TNPO2: variants seen among roughly 807,000 people sequenced by gnomAD.
TNPO2 encodes transportin 2.
In TNPO2, 16 loss-of-function variants were observed where a neutral mutation model predicts 111.1. That is an observed-to-expected ratio of 0.14 (90% CI 0.10 to 0.22). TNPO2 has a LOEUF of 0.22. TNPO2 is among the 10% of genes least tolerant of loss of function. The pLI is 1.00. For synonymous variants in TNPO2, 481 were observed against 475.8 expected (o/e 1.01, Z -0.14); for missense variants, 530 against 1,173.7 (o/e 0.45, Z 8.01).
Position 12,701,554 on chromosome 19 carries a change from C to A in TNPO2, c.2586+44G>T, listed in dbSNP as rs754479975. 27 of 1,610,500 alleles carry A rather than the reference C, an allele frequency of 1.7e-5. No homozygotes were observed. The South Asian group carries it at 3.0e-4, about 18-fold the overall frequency. On this transcript the variant is annotated intron_variant, in intron 24 of 25. Coordinates refer to ENST00000425528, the MANE Select transcript of TNPO2 (RefSeq NM_001382241.1). The surrounding 1 kb of genome is among the most constrained non-coding windows in gnomAD (Gnocchi z 5.0). Reference sequence around the variant, plus strand: ...CCATTGTTACCAGATGGTCTCACCCCTGCCTGCTCCCGGAACTAGATCAGG... The same window carrying A: ...CCATTGTTACCAGATGGTCTCACCCATGCCTGCTCCCGGAACTAGATCAGG...
At position 12,706,782 on chromosome 19, in the gene TNPO2, G is replaced by A. The variant is rs747015494; in HGVS notation, c.1284C>T (p.Gly428=). 4.5e-5 allele frequency: 72 copies of A among 1,608,016 alleles called. 1 individual carries two copies. The highest frequency in any genetic ancestry group is 4.1e-5 in the Non-Finnish European group (48 of 1,177,328). ...LGAIAEGCMQ[G]MVPYLPELIP... The stretch of plus-strand genomic sequence containing the variant: ...TCAGCTCAGGCAGGTAGGGCACCAT[G>A]CCCTGCATGCAGCCTACAAGGAAAG... Residue 428 remains glycine, a synonymous_variant, in exon 14 of 26, where the codon GGC becomes GGT. Transcript: ENST00000425528. The surrounding 1 kb of genome is among the most constrained non-coding windows in gnomAD (Gnocchi z 7.0).
chr19:12,703,348 G>A (rs2025440017), intron 20 of TNPO2, 80 bp downstream of exon 20: 1 of 1,324,548 alleles, frequency 7.5e-7, no homozygotes, highest in African/African-American at 1.5e-5. Context: ...GAAGGAAGCT[G>A]TCAGTCAGAG....
Position 12,719,799 on chromosome 19 carries a change from G to GAA in TNPO2, c.100-465_100-464dup, listed in dbSNP as rs568805777. Among the ~76,000 whole-genome samples, 528 of 141,626 alleles carry GAA rather than the reference G, an allele frequency of 3.7e-3. 6 individuals carry two copies. Among genetic ancestry groups the GAA allele is most frequent in the African/African-American group, 0.013 (498 of 38,798 alleles). The allele number at this position is 141,626 out of a possible 152,430, so 92.9% of individuals were successfully genotyped here. A position where few individuals can be genotyped will look rare whatever the true frequency, so the allele number is the denominator to read the frequency against. On this transcript the variant is annotated intron_variant, in intron 3 of 25. Coordinates refer to ENST00000425528, the MANE Select transcript of TNPO2 (RefSeq NM_001382241.1). The surrounding 1 kb of genome is among the most constrained non-coding windows in gnomAD (Gnocchi z 5.0). Reference sequence around the variant, plus strand: ...GGGCGACAGAGCAAGACTCCATCTTGAAAAAAAAAAAAATCATACAAGGAG... The same window carrying GAA: ...GGGCGACAGAGCAAGACTCCATCTTGAAAAAAAAAAAAAAATCATACAAGGAG...
At chr19:12,714,658 TCTTCAAA>T (rs1182863789) in intron 10 of TNPO2, among the ~76,000 whole-genome samples, 156 bp downstream of exon 10, 1 of 152,130 alleles carries the variant, frequency 6.6e-6, no homozygotes. Flanking sequence ...AATTTTGAAG[TCTTCAAA>T]AAGTGGCATT....
Position 12,720,767 on chromosome 19 carries a change from A to G in TNPO2, c.99+112T>C. 3.7e-6 allele frequency: 5 copies of G among 1,361,528 alleles called. No homozygotes were observed. In the South Asian group the frequency reaches 5.8e-5, roughly 16 times the overall value. The allele number at this position is 1,361,528 out of a possible 1,614,324, so 84.3% of individuals were successfully genotyped here. ...TCTGTCCAGGGCAGATCCTCCGCACAGCAGAAAAAATCTGGGGACTAGGGG... is the reference window on the plus strand; with the variant it reads ...TCTGTCCAGGGCAGATCCTCCGCACGGCAGAAAAAATCTGGGGACTAGGGG... On this transcript the variant is annotated intron_variant, in intron 3 of 25. Transcript: ENST00000425528.
At position 12,702,962 on chromosome 19, in the gene TNPO2, C is replaced by G; in HGVS notation, c.2210-44G>C. 1 of 1,583,348 alleles carries G rather than the reference C, an allele frequency of 6.3e-7. No homozygotes were observed. Among genetic ancestry groups the G allele is most frequent in the Non-Finnish European group, 8.7e-7 (1 of 1,154,054 alleles). Reference sequence around the variant, plus strand: ...AGAGCCCTGCACAGCCCCCGCCACCCACAGGGGCCAGGGGGCCGCCCCACC... The same window carrying G: ...AGAGCCCTGCACAGCCCCCGCCACCGACAGGGGCCAGGGGGCCGCCCCACC... On this transcript the variant is annotated intron_variant, in intron 20 of 25. Coordinates refer to ENST00000425528, the MANE Select transcript of TNPO2 (RefSeq NM_001382241.1). This position sits in a 1 kb window ranked among gnomAD's most constrained non-coding sequence, Gnocchi z 5.5.
intron 5 of TNPO2, among the ~76,000 whole-genome samples, chr19:12,718,323 G>A (rs770309870): frequency 2.6e-5 from 4 of 152,072 alleles, no homozygotes; most frequent in East Asian, 3.9e-4. Flanking sequence ...GTGCCACCAC[G>A]CCCAGCTAAT....
At position 12,703,683 on chromosome 19, in the gene TNPO2, T is replaced by A. The variant is rs1172992399; in HGVS notation, c.2110+31A>T. ...CCATCACTTGAGGCCGGGGCTGGGG[T>A]CATGGGTTAGGGACAAGGCGAGTGT... On this transcript the variant is annotated intron_variant, in intron 19 of 25. Transcript: ENST00000425528. 5 of 1,602,822 alleles carry A rather than the reference T, an allele frequency of 3.1e-6. No homozygotes were observed. In the Admixed American group the frequency reaches 6.9e-5, roughly 22 times the overall value.
At position 12,719,778 on chromosome 19, in the gene TNPO2, G is replaced by A. The variant is rs978936396; in HGVS notation, c.100-442C>T. Among the ~76,000 whole-genome samples the A allele has an allele frequency of 9.3e-5, 14 of 150,120 alleles. No homozygotes were observed. Among genetic ancestry groups the A allele is most frequent in the Non-Finnish European group, 1.2e-4 (8 of 67,876 alleles). On this transcript the variant is annotated intron_variant, in intron 3 of 25. Transcript: ENST00000425528. The surrounding 1 kb of genome is among the most constrained non-coding windows in gnomAD (Gnocchi z 5.0). ...TGCGCCTCTGCATTCCAGTCTGGGCGACAGAGCAAGACTCCATCTTGAAAA... is the reference window on the plus strand; with the variant it reads ...TGCGCCTCTGCATTCCAGTCTGGGCAACAGAGCAAGACTCCATCTTGAAAA...
Position 12,720,996 on chromosome 19 carries a change from G to A in TNPO2, c.-13-6C>T, listed in dbSNP as rs1159964721. ...AGTCCATGGCGCAAGGCAAGCTGCG[G>A]AGGTAGGGGCCGGGGTCAGCGCTGG... On this transcript the variant is annotated splice_region_variant and splice_polypyrimidine_tract_variant and intron_variant, in intron 2 of 25. Coordinates refer to ENST00000425528, the MANE Select transcript of TNPO2 (RefSeq NM_001382241.1). 16 of 1,561,736 alleles carry A rather than the reference G, an allele frequency of 1.0e-5. No individual in the cohort carries two copies. Among genetic ancestry groups the A allele is most frequent in the Non-Finnish European group, 1.4e-5 (16 of 1,157,952 alleles).
rs1408636107 is a variant in TNPO2 at position 12,703,509 on chromosome 19, G to A, written c.2128C>T (p.Leu710=). 3 of 1,613,934 alleles carry A rather than the reference G, an allele frequency of 1.9e-6. No homozygotes were observed. Among genetic ancestry groups the A allele is most frequent in the Non-Finnish European group, 1.7e-6 (2 of 1,179,900 alleles). The change falls in exon 20 of 26, where the codon CTG becomes TTG. Residue 710 remains leucine, a synonymous_variant. Transcript: ENST00000425528. ...AACTCTGGGTTCAGGTTGGTGCCCA[G>A]AATGGGCATGAACTCGGCTGGTGGG... ...KPCIAEFMPI[L]GTNLNPEFIS... is the part of the protein sequence containing the mutation.
At chr19:12,710,801 T>C in intron 12 of TNPO2, 28 bp from the exon 13 acceptor site, 1 of 1,587,932 alleles carries the variant, frequency 6.3e-7, no homozygotes, top group Non-Finnish European at 8.6e-7. Flanking sequence ...ATGGGGAGGC[T>C]CAGGGCGGCC....
At position 12,701,457 on chromosome 19, in the gene TNPO2, TGGG is replaced by T; in HGVS notation, c.2587-7_2587-5del. 6.2e-7 allele frequency: 1 copy of T among 1,613,338 alleles called. No individual in the cohort carries two copies. Among genetic ancestry groups the T allele is most frequent in the Non-Finnish European group, 8.5e-7 (1 of 1,179,484 alleles). On this transcript the variant is annotated splice_region_variant and splice_polypyrimidine_tract_variant and intron_variant, in intron 24 of 25. Transcript: ENST00000425528. This position sits in a 1 kb window ranked among gnomAD's most constrained non-coding sequence, Gnocchi z 5.0. ...GGTCTTTGAAGCCGTGGAGAATCTG[TGGG>T]GAGGGTGGTGGTGAGGGGTAGGCAG...
At chr19:12,711,201 G>C (rs1034660606) in intron 12 of TNPO2, 95 bp downstream of exon 12, 2 of 1,514,430 alleles carry the variant, frequency 1.3e-6, no homozygotes, top group Admixed American at 3.8e-5. Context: ...GCCACGATCA[G>C]CTTCTAATCA....
chr19:12,701,246 G>A lies in TNPO2; in HGVS notation c.*21-3C>T, dbSNP rs1226141909. 4.3e-6 allele frequency: 4 copies of A among 930,400 alleles called. No homozygotes were observed. The highest frequency in any genetic ancestry group is 3.4e-5 in the African/African-American group (2 of 59,590). 57.6% of individuals were successfully genotyped at this position (930,400 alleles called of 1,614,324 possible). On this transcript the variant is annotated splice_polypyrimidine_tract_variant and splice_region_variant and intron_variant, in intron 25 of 25. Coordinates refer to ENST00000425528, the MANE Select transcript of TNPO2 (RefSeq NM_001382241.1). This position sits in a 1 kb window ranked among gnomAD's most constrained non-coding sequence, Gnocchi z 5.0. ...CCGACGACGACGCAGACAGAAACCT[G>A]CAGGGGGAGGAGGAAGGTCATGGCC...
rs928860731 is a variant in TNPO2, at chr19:12,706,335, G to A, written c.1529C>T (p.Thr510Met). The A allele has an allele frequency of 1.4e-5, 23 of 1,613,734 alleles. No individual in the cohort carries two copies. Among genetic ancestry groups the A allele is most frequent in the Non-Finnish European group, 1.8e-5 (21 of 1,179,910 alleles). The change falls in exon 15 of 26, where the codon ACG becomes ATG. Residue 510 changes from threonine (T) to methionine (M), a missense_variant. Physicochemically the swap from Thr to Met is moderately conservative, Grantham distance 81 (BLOSUM62 -1). Coordinates refer to ENST00000425528, the MANE Select transcript of TNPO2 (RefSeq NM_001382241.1). The surrounding 1 kb of genome is among the most constrained non-coding windows in gnomAD (Gnocchi z 7.0). ...GTAGCTGAGGTAGGGCACCAGCTCC[G>A]TGCAGGCCTCTTCCTCCAGGGTGGC... ...AFATLEEEAC[T>M]ELVPYLSYIL...
In TNPO2 at chr19:12,705,031, T is replaced by C. The variant is rs2025557438; in HGVS notation, c.2022+209A>G. Reference sequence around the variant, plus strand: ...TTAAAAAAAATTTTTTTTTTTAATTTTAGAACTGGGGTTTCACTATGTTGC... The same window carrying C: ...TTAAAAAAAATTTTTTTTTTTAATTCTAGAACTGGGGTTTCACTATGTTGC... On this transcript the variant is annotated intron_variant, in intron 18 of 25. Transcript: ENST00000425528. This position sits in a 1 kb window ranked among gnomAD's most constrained non-coding sequence, Gnocchi z 7.2. Among the ~76,000 whole-genome samples the C allele has an allele frequency of 6.6e-6, 1 of 152,144 alleles. No homozygotes were observed. Among genetic ancestry groups the C allele is most frequent in the South Asian group, 2.1e-4 (1 of 4,832 alleles).
At chr19:12,718,555 T>G (rs974645079) in intron 5 of TNPO2, among the ~76,000 whole-genome samples, 4 of 152,194 alleles carry the variant, frequency 2.6e-5, no homozygotes, top group African/African-American at 7.2e-5. Flanking sequence ...TTGCCTACCC[T>G]GACCTCCCAA....
rs1223623216 is a variant in TNPO2 at position 12,699,313 on chromosome 19, G to C, written c.*1951C>G. 4.6e-6 allele frequency: 2 copies of C among 430,638 alleles called. No homozygotes were observed. Among genetic ancestry groups the C allele is most frequent in the South Asian group, 3.3e-5 (2 of 60,334 alleles). The allele number at this position is 430,638 out of a possible 1,614,324, so 26.7% of individuals were successfully genotyped here. A position where few individuals can be genotyped will look rare whatever the true frequency, so the allele number is the denominator to read the frequency against. On this transcript the variant is annotated 3_prime_UTR_variant, in exon 26 of 26. Coordinates refer to ENST00000425528, the MANE Select transcript of TNPO2 (RefSeq NM_001382241.1). ...AACAAATGGACAGACCCGGGAGCCC[G>C]CAGGGGGAAGAGGGTGAGGAGGGAA...
Sources: allele counts gnomAD v4.1 joint callset (sites outside exome capture counted in the v4.1 genomes callset), GRCh38; gene constraint gnomAD v4.1.1; non-coding constraint Gnocchi (gnomAD v3.1); transcripts MANE v1.5; gene names NCBI Gene and HGNC (gene_info 2026-07-23, HGNC 2026-07-21).